ADAMTSL1: variants seen among roughly 807,000 people sequenced by gnomAD.
ADAMTSL1 encodes ADAMTS like 1, also known as ADAMTS-like protein 1.
A neutral mutation model predicts 201.8 loss-of-function variants in ADAMTSL1; 126 were observed. That is an observed-to-expected ratio of 0.62 (90% CI 0.54 to 0.72). ADAMTSL1 has a LOEUF of 0.72. Among genes scored for constraint, ADAMTSL1 ranks in the 30% least tolerant of loss-of-function variants. The pLI is 0.00. For missense variants in ADAMTSL1, 2,679 were observed against 2,277.8 expected, an observed-to-expected ratio of 1.18 and a Z score of -3.59; for synonymous variants, 1,121 against 903.4, an observed-to-expected ratio of 1.24 and a Z score of -4.32.
chr9:17,978,316 A>C (rs1818536171), intron 1 of ADAMTSL1, among the ~76,000 whole-genome samples: 1 of 152,076 alleles, frequency 6.6e-6, no homozygotes. Context: ...GTAAATACTT[A>C]CCATTGCTGT....
At chr9:18,619,970 C>G (rs1248561533) in intron 4 of ADAMTSL1, among the ~76,000 whole-genome samples, 1 of 149,818 alleles carries the variant, frequency 6.7e-6, no homozygotes, top group African/African-American at 2.5e-5. Context: ...CATGCTTTCT[C>G]AAAGGATTTG....
intron 2 of ADAMTSL1, among the ~76,000 whole-genome samples, chr9:18,349,181 T>C (rs113387429): frequency 6.6e-6 from 1 of 152,206 alleles, no homozygotes; most frequent in Non-Finnish European, 1.5e-5. Flanking sequence ...GATGAGGCAC[T>C]TGAATATTTG....
chr9:18,636,985 C>G (rs1296508768), intron 6 of ADAMTSL1, among the ~76,000 whole-genome samples: 1 of 152,020 alleles, frequency 6.6e-6, no homozygotes, highest in Non-Finnish European at 1.5e-5. Context: ...TGAATGAAAT[C>G]ACGCTAAAAA....
intron 1 of ADAMTSL1, among the ~76,000 whole-genome samples, chr9:18,074,971 C>T (rs1478209411): frequency 9.2e-5 from 14 of 152,214 alleles, no homozygotes; most frequent in Admixed American, 9.2e-4. Flanking sequence ...AATAAATGTA[C>T]ATTTCTTGTT....
intron 3 of ADAMTSL1, among the ~76,000 whole-genome samples, chr9:18,535,915 A>T (rs1554698834): frequency 6.6e-6 from 1 of 152,176 alleles, no homozygotes. Flanking sequence ...TATGGGAAGT[A>T]CAACTTAAGA....
chr9:18,509,162 G>GC (rs1817864767), intron 2 of ADAMTSL1, among the ~76,000 whole-genome samples: 1 of 70,926 alleles, frequency 1.4e-5, no homozygotes, highest in Non-Finnish European at 2.5e-5. Flanking sequence ...CCGCAGTCCG[G>GC]CCTGGGCGAC....
chr9:17,999,341 C>G (rs1819514045), intron 1 of ADAMTSL1, among the ~76,000 whole-genome samples: 1 of 152,054 alleles, frequency 6.6e-6, no homozygotes, highest in African/African-American at 2.4e-5. Context: ...AAGCTGATCT[C>G]TGTAGGATCT....
chr9:18,818,429 C>A (rs1407394304), intron 21 of ADAMTSL1, among the ~76,000 whole-genome samples: 1 of 152,142 alleles, frequency 6.6e-6, no homozygotes, highest in Non-Finnish European at 1.5e-5. Flanking sequence ...AATATCTTAA[C>A]CTAGGGCTTA....
chr9:18,065,539 T>C (rs1384407376), intron 1 of ADAMTSL1, among the ~76,000 whole-genome samples: 2 of 152,176 alleles, frequency 1.3e-5, no homozygotes, highest in Admixed American at 6.5e-5. Flanking sequence ...AAGTGAAAAG[T>C]AGTGCCACAG....
chr9:17,990,487 T>C (rs1352060832), intron 1 of ADAMTSL1, among the ~76,000 whole-genome samples: 2 of 152,080 alleles, frequency 1.3e-5, no homozygotes. Context: ...ACAATAGGAA[T>C]CTTTAGGTCT....
intron 23 of ADAMTSL1, among the ~76,000 whole-genome samples, chr9:18,858,476 A>T (rs1018346245): frequency 6.6e-6 from 1 of 152,214 alleles, no homozygotes; most frequent in Non-Finnish European, 1.5e-5. Context: ...AGCCTTGCCT[A>T]ATGGGTTTCG....
chr9:18,472,428 T>C (rs1334700255), upstream of ADAMTSL1, among the ~76,000 whole-genome samples: 1 of 152,198 alleles, frequency 6.6e-6, no homozygotes, highest in Non-Finnish European at 1.5e-5. Context: ...TTGTTATGGA[T>C]TTGTACTGTC....
At chr9:18,584,375 C>CG (rs1564068687) in intron 4 of ADAMTSL1, among the ~76,000 whole-genome samples, 1 of 151,974 alleles carries the variant, frequency 6.6e-6, no homozygotes, top group Admixed American at 6.5e-5. Flanking sequence ...AGGCCCCCCC[C>CG]AGCCACATGG....
chr9:18,006,284 G>C (rs1258596844), intron 1 of ADAMTSL1, among the ~76,000 whole-genome samples: 1 of 151,960 alleles, frequency 6.6e-6, no homozygotes, highest in Non-Finnish European at 1.5e-5. Context: ...AGGACATTCT[G>C]TTTTGAGTAC....
intron 2 of ADAMTSL1, among the ~76,000 whole-genome samples, chr9:18,235,629 T>C (rs1288921011): frequency 6.6e-6 from 1 of 152,324 alleles, no homozygotes; most frequent in Non-Finnish European, 1.5e-5. Flanking sequence ...GTAGTATACA[T>C]ATTTCCATTT....
intron 2 of ADAMTSL1, among the ~76,000 whole-genome samples, chr9:18,296,075 C>G (rs7857356): frequency 1.3e-5 from 2 of 152,098 alleles, no homozygotes; most frequent in African/African-American, 4.8e-5. Flanking sequence ...AGCCTTTAGG[C>G]CTAACTTTTA....
chr9:18,899,536 G>T (rs887655450), intron 26 of ADAMTSL1, among the ~76,000 whole-genome samples: 1 of 152,148 alleles, frequency 6.6e-6, no homozygotes. Flanking sequence ...CACACTACCT[G>T]ACTGCAAACT....
chr9:18,545,217 C>T (rs1362578824), intron 3 of ADAMTSL1, among the ~76,000 whole-genome samples: 1 of 152,144 alleles, frequency 6.6e-6, no homozygotes, highest in Non-Finnish European at 1.5e-5. Context: ...TCACCACTAC[C>T]TTGAAAATTG....
chr9:17,907,422 G>A (rs1477458376), intron 1 of ADAMTSL1, among the ~76,000 whole-genome samples: 4 of 152,180 alleles, frequency 2.6e-5, no homozygotes, highest in East Asian at 1.9e-4. Context: ...GCCCGCAGCC[G>A]AGTGTCGGGG....
Sources: allele counts gnomAD v4.1 joint callset (sites outside exome capture counted in the v4.1 genomes callset), GRCh38; gene constraint gnomAD v4.1.1; transcripts MANE v1.5; gene names NCBI Gene and HGNC (gene_info 2026-07-23, HGNC 2026-07-21).